Variants in SEMA5A observed in about 807,000 individuals in gnomAD.
SEMA5A encodes semaphorin-5A.
Under a neutral mutation model 135.5 loss-of-function variants are expected in SEMA5A, and 55 were observed. The observed-to-expected ratio is 0.41, with a 90% CI of 0.33 to 0.51. The LOEUF is 0.51. Ranked by LOEUF, SEMA5A falls within the 20% of genes least tolerant of loss-of-function variation. The pLI, the probability that SEMA5A is intolerant of heterozygous loss-of-function variation, is 0.37. For synonymous variants in SEMA5A, 580 were observed against 546.5 expected (o/e 1.06, Z -0.85); for missense variants, 1,290 against 1,419.9 (o/e 0.91, Z 1.47).
intron 5 of SEMA5A, among the ~76,000 whole-genome samples, chr5:9,289,133 G>A (rs1419855631): frequency 1.3e-5 from 2 of 152,104 alleles, no homozygotes; most frequent in African/African-American, 2.4e-5. Flanking sequence ...CTTCCAATCA[G>A]TGTATATGTC....
chr5:9,423,830 T>A (rs1757554527), intron 2 of SEMA5A, among the ~76,000 whole-genome samples: 1 of 152,118 alleles, frequency 6.6e-6, no homozygotes, highest in South Asian at 2.1e-4. Context: ...GCCCAACACA[T>A]CACAAATGTT....
intron 3 of SEMA5A, among the ~76,000 whole-genome samples, chr5:9,347,730 C>T (rs805146): frequency 0.66 from 99,942 of 151,992 alleles, 33,894 homozygotes; most frequent in South Asian, 0.76. Flanking sequence ...CTGGGGCAGG[C>T]GGCAGACAGG....
At chr5:9,095,160 A>G (rs200598876) in intron 16 of SEMA5A, among the ~76,000 whole-genome samples, 1 of 152,088 alleles carries the variant, frequency 6.6e-6, no homozygotes, top group East Asian at 1.9e-4. Context: ...AAAACCAAAC[A>G]CTACATGTTC....
intron 2 of SEMA5A, among the ~76,000 whole-genome samples, chr5:9,397,114 G>T (rs1756441484): frequency 6.6e-6 from 1 of 151,426 alleles, no homozygotes; most frequent in African/African-American, 2.4e-5. Flanking sequence ...TTGCTTTTAA[G>T]ATAAATATGC....
chr5:9,486,585 C>T (rs1734739308), intron 1 of SEMA5A, among the ~76,000 whole-genome samples: 1 of 151,842 alleles, frequency 6.6e-6, no homozygotes, highest in Non-Finnish European at 1.5e-5. Context: ...GCTCCAGAAC[C>T]CACTGAATGA....
chr5:9,205,717 T>C (rs1361155696), intron 8 of SEMA5A, among the ~76,000 whole-genome samples: 2 of 152,176 alleles, frequency 1.3e-5, no homozygotes, highest in Admixed American at 6.5e-5. Flanking sequence ...GTGTAGTGAG[T>C]GCTGTTCTCT....
intron 16 of SEMA5A, among the ~76,000 whole-genome samples, chr5:9,102,379 A>G (rs543324096): frequency 2.6e-5 from 4 of 152,342 alleles, no homozygotes; most frequent in South Asian, 2.1e-4. Context: ...GGAAATGAGT[A>G]TTTCTAAAAC....
intron 11 of SEMA5A, among the ~76,000 whole-genome samples, chr5:9,162,585 T>TATATATATAC (rs370982773): frequency 0.069 from 7,596 of 110,626 alleles, 249 homozygotes; most frequent in East Asian, 0.12. Context: ...TATATATATA[T>TATATATATAC]ACACACACAC....
At chr5:9,063,867 G>C (rs964878548) in intron 17 of SEMA5A, among the ~76,000 whole-genome samples, 1 of 152,174 alleles carries the variant, frequency 6.6e-6, no homozygotes, top group Non-Finnish European at 1.5e-5. Context: ...TGTACAGTGA[G>C]CACTTTCACT....
intron 4 of SEMA5A, among the ~76,000 whole-genome samples, chr5:9,329,880 A>G (rs1753043397): frequency 6.6e-6 from 1 of 152,184 alleles, no homozygotes; most frequent in South Asian, 2.1e-4. Context: ...ACATCTTCCC[A>G]TATACTTTAA....
intron 1 of SEMA5A, among the ~76,000 whole-genome samples, chr5:9,441,611 A>T (rs2126680529): frequency 6.6e-6 from 1 of 152,316 alleles, no homozygotes; most frequent in Non-Finnish European, 1.5e-5. Flanking sequence ...ATGCCATAAG[A>T]ATCACAGACA....
chr5:9,158,632 T>A (rs1743083459), intron 11 of SEMA5A, among the ~76,000 whole-genome samples: 1 of 152,144 alleles, frequency 6.6e-6, no homozygotes, highest in South Asian at 2.1e-4. Flanking sequence ...ACTGCTTCAG[T>A]GCAAACTCTC....
chr5:9,468,335 T>C (rs1759339852), intron 1 of SEMA5A, among the ~76,000 whole-genome samples: 1 of 152,170 alleles, frequency 6.6e-6, no homozygotes, highest in African/African-American at 2.4e-5. Flanking sequence ...TTTTGACAAA[T>C]CTTACCCAGA....
intron 5 of SEMA5A, among the ~76,000 whole-genome samples, chr5:9,250,898 C>T (rs1748737268): frequency 6.6e-6 from 1 of 152,124 alleles, no homozygotes; most frequent in Non-Finnish European, 1.5e-5. Flanking sequence ...TTAAGATTTT[C>T]ATATCTATTA....
chr5:9,449,225 T>C lies in SEMA5A; in HGVS notation c.-174-11373A>G, dbSNP rs374018498. Among the ~76,000 whole-genome samples, 37 of 152,304 alleles carry C rather than the reference T, an allele frequency of 2.4e-4. No homozygotes were observed. In the East Asian group the frequency reaches 6.6e-3, roughly 27 times the overall value. ...AATGTGGTACATGCACATCATGGAA[T>C]ACTATGCAGCCATTAAAAGGGACGA... On this transcript the variant is annotated intron_variant, in intron 1 of 22. Coordinates refer to ENST00000382496, the MANE Select transcript of SEMA5A (RefSeq NM_003966.3).
At chr5:9,292,207 T>C (rs1296684915) in intron 5 of SEMA5A, among the ~76,000 whole-genome samples, 1 of 152,242 alleles carries the variant, frequency 6.6e-6, no homozygotes, top group East Asian at 1.9e-4. Context: ...CCCACGTTTG[T>C]AAATCAATTC....
chr5:9,286,898 T>G (rs1199476688), intron 5 of SEMA5A, among the ~76,000 whole-genome samples: 1 of 152,274 alleles, frequency 6.6e-6, no homozygotes, highest in East Asian at 1.9e-4. Flanking sequence ...GGGCTCCTTC[T>G]GCACCTTGGA....
intron 16 of SEMA5A, among the ~76,000 whole-genome samples, chr5:9,072,293 C>T (rs1373657904): frequency 5.9e-5 from 9 of 152,110 alleles, no homozygotes; most frequent in Non-Finnish European, 1.3e-4. Flanking sequence ...AGCAGAAACC[C>T]AGGCACAGGC....
chr5:9,379,464 C>A (rs1755499603), intron 3 of SEMA5A, among the ~76,000 whole-genome samples: 1 of 152,158 alleles, frequency 6.6e-6, no homozygotes, highest in African/African-American at 2.4e-5. Context: ...AGGGAAATGC[C>A]ATAGTGAAGA....
Sources: gnomAD v4.1 joint callset for allele counts (sites outside exome capture counted in the v4.1 genomes callset) on GRCh38, gnomAD v4.1.1 for gene constraint, MANE v1.5 for transcripts, NCBI Gene and HGNC (gene_info 2026-07-23, HGNC 2026-07-21) for gene names.